The following CATSPERD variants were observed in gnomAD, a reference collection of about 807,000 sequenced individuals.
CATSPERD encodes the protein cation channel sperm-associated auxiliary subunit delta.
In CATSPERD, 86 loss-of-function variants were observed where a neutral mutation model predicts 98.1. The observed-to-expected ratio is 0.88, with a 90% CI of 0.74 to 1.05. CATSPERD has a LOEUF of 1.05. CATSPERD is among the 50% of genes least tolerant of loss of function. The probability of loss-of-function intolerance (pLI) is 0.00; values close to 1 mark genes in which losing one functional copy is unlikely to be tolerated. For synonymous variants in CATSPERD, 394 were observed against 390.2 expected, an observed-to-expected ratio of 1.01 and a Z score of -0.12; for missense variants, 995 against 1,005.7, an observed-to-expected ratio of 0.99 and a Z score of 0.14.
At chr19:5,763,194 A>G in intron 15 of CATSPERD, 21 bp from the exon 16 acceptor site, 1 of 1,607,764 alleles carries the variant, frequency 6.2e-7, no homozygotes, top group Non-Finnish European at 8.5e-7. Context: ...CTCTAATAAC[A>G]CAGGTTCCGT....
At chr19:5,725,481 A>G (rs1226906366) in intron 2 of CATSPERD, among the ~76,000 whole-genome samples, 1 of 152,136 alleles carries the variant, frequency 6.6e-6, no homozygotes. Flanking sequence ...GCATAGTAAC[A>G]GTAGAAGCAA....
intron 3 of CATSPERD, 109 bp downstream of exon 3, chr19:5,727,453 C>A: frequency 1.2e-6 from 1 of 829,500 alleles, no homozygotes; most frequent in Non-Finnish European, 2.0e-6. Context: ...CCGTGTGTTG[C>A]TAGTTGCTGG....
At chr19:5,734,348 C>G (rs754618813) in intron 5 of CATSPERD, among the ~76,000 whole-genome samples, 5 of 151,910 alleles carry the variant, frequency 3.3e-5, no homozygotes, top group African/African-American at 1.2e-4. Flanking sequence ...ACTAAAAATA[C>G]AAAAATTAGG....
At chr19:5,754,393 C>CTTTT (rs749080620) in intron 13 of CATSPERD, 148 bp downstream of exon 13, 2,400 of 229,494 alleles carry the variant, frequency 0.01, 11 homozygotes, top group Non-Finnish European at 0.013. Flanking sequence ...GTCTCTGTGT[C>CTTTT]TTTTTTTTTT....
At chr19:5,724,942 G>C in intron 2 of CATSPERD, 80 bp downstream of exon 2, 1 of 1,314,502 alleles carries the variant, frequency 7.6e-7, no homozygotes, top group Non-Finnish European at 1.1e-6. Context: ...GGTATTTCTT[G>C]GGTGCCCGTG....
chr19:5,740,195 C>T (rs549460075), intron 7 of CATSPERD, among the ~76,000 whole-genome samples: 14 of 151,448 alleles, frequency 9.2e-5, no homozygotes, highest in South Asian at 2.1e-4. Flanking sequence ...GCAGGAGAAT[C>T]GCTTGAACCC....
chr19:5,745,862 G>T (rs756054945), intron 8 of CATSPERD, 51 bp from the exon 9 acceptor site: 1 of 1,595,936 alleles, frequency 6.3e-7, no homozygotes, highest in East Asian at 2.2e-5. Context: ...GACTCAGTGG[G>T]ACTCCACAGT....
intron 3 of CATSPERD, among the ~76,000 whole-genome samples, chr19:5,728,266 G>C (rs1165937546): frequency 6.7e-6 from 1 of 150,054 alleles, no homozygotes; most frequent in Non-Finnish European, 1.5e-5. Context: ...GCTGAGGCAG[G>C]AGAATCACTT....
chr19:5,731,610 C>T (rs1207973932), intron 4 of CATSPERD, among the ~76,000 whole-genome samples: 3 of 120,772 alleles, frequency 2.5e-5, no homozygotes, highest in Non-Finnish European at 4.9e-5. Flanking sequence ...GCTCTGTCAC[C>T]CAGGCCGGAC....
Position 5,727,240 on chromosome 19 carries a change from T to C in CATSPERD, c.127-28T>C, listed in dbSNP as rs758669572. On this transcript the variant is annotated intron_variant, in intron 2 of 21. Coordinates refer to ENST00000381624, the MANE Select transcript of CATSPERD (RefSeq NM_152784.4). ...ATCAGCTGTTTATGGTTATTGATAT[T>C]ATTAAGATTTTGTGATTATCTCTCT... The C allele has an allele frequency of 4.6e-6, 7 of 1,531,386 alleles. No individual in the cohort carries two copies. The East Asian group carries it at 1.6e-4, about 34-fold the overall frequency. The allele number at this position is 1,531,386 out of a possible 1,614,324, so 94.9% of individuals were successfully genotyped here.
At chr19:5,777,726 T>G (rs1405747118) in intron 21 of CATSPERD, among the ~76,000 whole-genome samples, 1 of 150,800 alleles carries the variant, frequency 6.6e-6, no homozygotes, top group Non-Finnish European at 1.5e-5. Flanking sequence ...CTACTAAAAA[T>G]TAGCCAGGTG....
chr19:5,738,204 G>A (rs1301704233), intron 6 of CATSPERD, among the ~76,000 whole-genome samples: 2 of 151,710 alleles, frequency 1.3e-5, no homozygotes, highest in African/African-American at 2.4e-5. Context: ...TCAGGAGTTC[G>A]AGACCAGCCT....
intron 4 of CATSPERD, among the ~76,000 whole-genome samples, chr19:5,730,801 A>G (rs977704166): frequency 7.9e-5 from 12 of 151,488 alleles, no homozygotes; most frequent in Non-Finnish European, 1.8e-4. Context: ...TCAGGAGGTC[A>G]GGAGATTAAG....
At chr19:5,732,421 G>A (rs1275640967) in intron 4 of CATSPERD, among the ~76,000 whole-genome samples, 2 of 151,318 alleles carry the variant, frequency 1.3e-5, no homozygotes, top group Non-Finnish European at 2.9e-5. Context: ...CATACATGGT[G>A]TTTTTTGTTT....
chr19:5,753,667 T>G, intron 12 of CATSPERD: 1 of 335,570 alleles, frequency 3.0e-6, no homozygotes, highest in Non-Finnish European at 6.0e-6. Context: ...CCCAGGAATT[T>G]GGGACCAGCG....
At chr19:5,725,254 C>T (rs371042381) in intron 2 of CATSPERD, among the ~76,000 whole-genome samples, 128 of 152,278 alleles carry the variant, frequency 8.4e-4, no homozygotes, top group African/African-American at 2.8e-3. Context: ...CCAGCTCAAG[C>T]GATTCTCATG....
chr19:5,737,836 G>A (rs112788790), intron 6 of CATSPERD, among the ~76,000 whole-genome samples: 5,203 of 148,884 alleles, frequency 0.035, 272 homozygotes, highest in African/African-American at 0.11. Flanking sequence ...GGCAACAAGA[G>A]TGAAACTCCA....
chr19:5,765,739 G>A (rs796571213), intron 16 of CATSPERD, among the ~76,000 whole-genome samples: 1 of 152,028 alleles, frequency 6.6e-6, no homozygotes, highest in Admixed American at 6.6e-5. Flanking sequence ...TTGAACCCAG[G>A]GGGAGGATGT....
intron 18 of CATSPERD, among the ~76,000 whole-genome samples, chr19:5,769,841 C>A (rs963830247): frequency 2.0e-5 from 3 of 152,090 alleles, no homozygotes; most frequent in African/African-American, 7.2e-5. Context: ...GTAATCCCAG[C>A]ACTTTGGGAG....
Sources: allele counts gnomAD v4.1 joint callset (sites outside exome capture counted in the v4.1 genomes callset), GRCh38; gene constraint gnomAD v4.1.1; transcripts MANE v1.5; gene names NCBI Gene and HGNC (gene_info 2026-07-23, HGNC 2026-07-21).